The following ANKRD27 variants were observed in gnomAD, a reference collection of about 807,000 sequenced individuals.
The protein encoded by ANKRD27 is ankyrin repeat domain 27, also known as ankyrin repeat domain-containing protein 27.
Under a neutral mutation model 129.7 loss-of-function variants are expected in ANKRD27, and 112 were observed. That is an observed-to-expected ratio of 0.86 (90% CI 0.74 to 1.01). The LOEUF is 1.01. Ranked by LOEUF, ANKRD27 falls within the 50% of genes least tolerant of loss-of-function variation. The pLI, the probability that ANKRD27 is intolerant of heterozygous loss-of-function variation, is 0.00. For missense variants in ANKRD27, 1,258 were observed against 1,300.5 expected (o/e 0.97, Z 0.50); for synonymous variants, 516 against 511.2 (o/e 1.01, Z -0.13).
intron 10 of ANKRD27, among the ~76,000 whole-genome samples, chr19:32,641,767 C>T (rs10716415): frequency 0.29 from 6,181 of 21,040 alleles, 727 homozygotes; most frequent in African/African-American, 0.38. Context: ...TTTACTTCTT[C>T]TTTTTTTTTT....
Position 32,607,694 on chromosome 19 carries a change from C to A in ANKRD27, c.2314G>T (p.Ala772Ser). ...LLLKHGANAGARNADQAVPLH... is the reference protein window; with the variant it reads ...LLLKHGANAGSRNADQAVPLH... ...GGGACGGCTTGGTCTGCGTTCCTGG[C>A]ACCTGCGTTGGCCCCGTGCTTCAGC... Residue 772 changes from alanine (A) to serine (S), a missense_variant, in exon 23 of 29, where the codon GCC (alanine) becomes TCC (serine). Transcript: ENST00000306065. 6.2e-7 allele frequency: 1 copy of A among 1,612,832 alleles called. No homozygotes were observed. Among genetic ancestry groups the A allele is most frequent in the Non-Finnish European group, 8.5e-7 (1 of 1,179,722 alleles).
chr19:32,608,975 C>A (rs1971793238), intron 22 of ANKRD27, among the ~76,000 whole-genome samples: 1 of 152,160 alleles, frequency 6.6e-6, no homozygotes, highest in Non-Finnish European at 1.5e-5. Flanking sequence ...CAAGCGAATT[C>A]TCCTGCCTCA....
intron 1 of ANKRD27, among the ~76,000 whole-genome samples, chr19:32,659,723 C>T (rs539068389): frequency 6.6e-6 from 1 of 152,060 alleles, no homozygotes; most frequent in East Asian, 1.9e-4. Context: ...TCACATTTTG[C>T]CATGTTTGCC....
At chr19:32,660,077 T>C (rs375152855) in intron 1 of ANKRD27, among the ~76,000 whole-genome samples, 11 of 152,280 alleles carry the variant, frequency 7.2e-5, no homozygotes, top group South Asian at 2.1e-4. Context: ...CTGGACAATA[T>C]AGCAAAACAC....
At chr19:32,670,153 G>C (rs1295099633) in intron 1 of ANKRD27, among the ~76,000 whole-genome samples, 2 of 152,154 alleles carry the variant, frequency 1.3e-5, no homozygotes, top group Non-Finnish European at 2.9e-5. Flanking sequence ...CAGGTCACAT[G>C]CAAGAACTGT....
rs372890668 is a variant in ANKRD27, at chr19:32,649,809, G to A, written c.103-17C>T. On this transcript the variant is annotated splice_polypyrimidine_tract_variant and intron_variant, in intron 2 of 28. Transcript: ENST00000306065. ...TACTAAGACCTGGAAAAAACAATTC[G>A]GGGCAACATTAGACAGACGTGCCAT... is the stretch of plus-strand genomic sequence containing the variant. 328 of 1,540,586 alleles carry A rather than the reference G, an allele frequency of 2.1e-4. No homozygotes were observed. Among genetic ancestry groups the A allele is most frequent in the Middle Eastern group, 1.7e-3 (10 of 5,946 alleles).
At chr19:32,663,778 CG>C (rs1219434354) in intron 1 of ANKRD27, among the ~76,000 whole-genome samples, 1 of 151,988 alleles carries the variant, frequency 6.6e-6, no homozygotes, top group Non-Finnish European at 1.5e-5. Context: ...AATAGGGGGC[CG>C]GGTGTGGTGG....
chr19:32,598,949 G>C (rs1476197559), intron 28 of ANKRD27, among the ~76,000 whole-genome samples: 3 of 152,118 alleles, frequency 2.0e-5, no homozygotes, highest in Admixed American at 1.3e-4. Context: ...CACTGTCTCC[G>C]ATCACAGGTT....
In ANKRD27 at chr19:32,644,384, T is replaced by C. The variant is rs1222041730; in HGVS notation, c.466A>G (p.Ile156Val). The change falls in exon 5 of 29, where the codon ATC (isoleucine) becomes GTC (valine). Residue 156 changes from isoleucine (I) to valine (V), a missense_variant. Coordinates refer to ENST00000306065, the MANE Select transcript of ANKRD27 (RefSeq NM_032139.3). The part of the protein sequence containing the change: ...GRHSERFDRN[I>V]ASFHRTFREC... ...CGGAATGTTCGATGGAAAGAGGCGATGTTCCTGTCAAATCGCTCGGAGTGT... is the reference window on the plus strand; with the variant it reads ...CGGAATGTTCGATGGAAAGAGGCGACGTTCCTGTCAAATCGCTCGGAGTGT... 27 of 1,614,070 alleles carry C rather than the reference T, an allele frequency of 1.7e-5. No individual in the cohort carries two copies. Among genetic ancestry groups the C allele is most frequent in the Non-Finnish European group, 2.1e-5 (25 of 1,180,012 alleles).
rs556039502 is a variant in ANKRD27, at chr19:32,644,487, A to G, written c.371-8T>C. 6.2e-7 allele frequency: 1 copy of G among 1,612,490 alleles called. No individual in the cohort carries two copies. Among genetic ancestry groups the G allele is most frequent in the African/African-American group, 1.3e-5 (1 of 75,044 alleles). ...AGGGTGCCAAAGGCTCTTCTGAAAA[A>G]GAAACAAACAGGTCAGGCCGGCTGA... On this transcript the variant is annotated splice_region_variant and splice_polypyrimidine_tract_variant and intron_variant, in intron 4 of 28. Coordinates refer to ENST00000306065, the MANE Select transcript of ANKRD27 (RefSeq NM_032139.3).
chr19:32,635,587 G>GTGGCTGGGATTAT (rs1228521057), intron 12 of ANKRD27, among the ~76,000 whole-genome samples: 12 of 152,088 alleles, frequency 7.9e-5, no homozygotes, highest in Non-Finnish European at 1.3e-4. Flanking sequence ...TTATAGGCAT[G>GTGGCTGGGATTAT]AGCCACTGCA....
At chr19:32,606,939 C>CAAAAAAAAAAAAAAGAAAAAAAAAAAAA in intron 23 of ANKRD27, among the ~76,000 whole-genome samples, 1 of 65,626 alleles carries the variant, frequency 1.5e-5, no homozygotes, top group Non-Finnish European at 2.6e-5. Flanking sequence ...CCCATCTCCA[C>CAAAAAAAAAAAAAAGAAAAAAAAAAAAA]AAAAAAAAAA....
intron 12 of ANKRD27, among the ~76,000 whole-genome samples, chr19:32,633,841 G>A (rs1967043243): frequency 6.6e-6 from 1 of 151,790 alleles, no homozygotes; most frequent in African/African-American, 2.4e-5. Context: ...GGGCAAAATA[G>A]CGAGACCTCA....
rs1029780250 is a variant in ANKRD27, at chr19:32,639,439, T to C, written c.1033A>G (p.Lys345Glu). Residue 345 changes from lysine to glutamate, a missense_variant, in exon 12 of 29, where the codon AAG (lysine) becomes GAG (glutamate). Lys to Glu is a moderately conservative substitution (Grantham distance 56, BLOSUM62 1). Transcript: ENST00000306065. ...GTCAGGCAGTATCCCAGTTCATCCT[T>C]TGCCAAGCTGCTAAACCTGAAGTTT... ...IKNFRFSSLA[K>E]DELGYCLTSF... is the part of the protein sequence containing the mutation. 6.2e-7 allele frequency: 1 copy of C among 1,614,144 alleles called. No homozygotes were observed. Among genetic ancestry groups the C allele is most frequent in the East Asian group, 2.2e-5 (1 of 44,884 alleles).
At chr19:32,667,361 A>G (rs1967779748) in intron 1 of ANKRD27, among the ~76,000 whole-genome samples, 1 of 152,156 alleles carries the variant, frequency 6.6e-6, no homozygotes, top group Admixed American at 6.5e-5. Flanking sequence ...ATAAAAATGT[A>G]TTTTCCTTTC....
intron 10 of ANKRD27, among the ~76,000 whole-genome samples, chr19:32,641,662 T>C (rs986732110): frequency 2.0e-5 from 3 of 152,126 alleles, no homozygotes; most frequent in African/African-American, 7.2e-5. Context: ...ACCATATGCA[T>C]TCCTGTTTAT....
rs777367872 is a variant in ANKRD27, at chr19:32,631,472, C to G, written c.1139G>C (p.Arg380Thr). Reference protein sequence around the residue: ...KPPESEGFGDRLFLKQRMSLL... With the variant: ...KPPESEGFGDTLFLKQRMSLL... ...GCTCATTCTCTGCTTAAGGAACAGC[C>G]TGTCTCCAAATCCCTCAGACTCCTG... The change falls in exon 13 of 29, where the codon AGG (arginine) becomes ACG (threonine). Residue 380 changes from arginine (R) to threonine (T), a missense_variant. Arg to Thr is a moderately conservative substitution (Grantham distance 71). Transcript: ENST00000306065. The G allele has an allele frequency of 6.2e-7, 1 of 1,614,152 alleles. No individual in the cohort carries two copies. Among genetic ancestry groups the G allele is most frequent in the East Asian group, 2.2e-5 (1 of 44,884 alleles).
intron 1 of ANKRD27, among the ~76,000 whole-genome samples, chr19:32,664,235 C>T (rs895646320): frequency 8.6e-5 from 13 of 152,020 alleles, no homozygotes; most frequent in Admixed American, 7.2e-4. Flanking sequence ...CTCACCACAG[C>T]CCTGAACTCC....
chr19:32,665,773 T>C (rs1013936202), intron 1 of ANKRD27, among the ~76,000 whole-genome samples: 1 of 151,660 alleles, frequency 6.6e-6, no homozygotes, highest in Non-Finnish European at 1.5e-5. Flanking sequence ...GTTTTTTTTG[T>C]TTTTCGAGAC....
Sources: allele counts gnomAD v4.1 joint callset (sites outside exome capture counted in the v4.1 genomes callset), GRCh38; gene constraint gnomAD v4.1.1; transcripts MANE v1.5; gene names NCBI Gene and HGNC (gene_info 2026-07-23, HGNC 2026-07-21).